The following NCOA1 variants were observed in gnomAD, a reference collection of about 807,000 sequenced individuals.
NCOA1 encodes the protein Hin-2 protein.
NCOA1 carries 35 observed loss-of-function variants against 150.9 expected under a neutral mutation model. The observed-to-expected ratio is 0.23, with a 90% CI of 0.18 to 0.31. The LOEUF (loss-of-function observed/expected upper bound fraction) is 0.31. Ranked by LOEUF, NCOA1 falls within the 10% of genes least tolerant of loss-of-function variation. The pLI is 1.00. For missense variants in NCOA1, 1,491 were observed against 1,749.3 expected (o/e 0.85, Z 2.63); for synonymous variants, 590 against 630.0 (o/e 0.94, Z 0.95).
Position 24,741,998 on chromosome 2 carries a change from A to G in NCOA1, c.3518A>G (p.Tyr1173Cys), listed in dbSNP as rs1311952517. Residue 1173 changes from tyrosine (Y) to cysteine (C), a missense_variant, in exon 19 of 23, where the codon TAT (tyrosine) becomes TGT (cysteine). Around this residue, in one of 8 missense-constraint regions of NCOA1, gnomAD observed 485 missense variants for 522.8 expected, o/e 0.93. Coordinates refer to ENST00000348332, the MANE Select transcript of NCOA1 (RefSeq NM_003743.5). Reference sequence around the variant, plus strand: ...CAGCAATTCCCCTATCCACCAAACTATGGTACAAATCCAGGAACCCCACCT... The same window carrying G: ...CAGCAATTCCCCTATCCACCAAACTGTGGTACAAATCCAGGAACCCCACCT... ...APQQFPYPPNYGTNPGTPPAS... is the reference protein window; with the variant it reads ...APQQFPYPPNCGTNPGTPPAS... 2 of 1,614,170 alleles carry G rather than the reference A, an allele frequency of 1.2e-6. No homozygotes were observed. The highest frequency in any genetic ancestry group is 1.7e-6 in the Non-Finnish European group (2 of 1,180,040).
chr2:24,690,341 A>G lies in NCOA1; in HGVS notation c.533-1140A>G, dbSNP rs56017017. ...GGGTCATTGGAGAGTTTAAGGTAGG[A>G]AAACGTTTGGGAACAGTAAAAAAGC... On this transcript the variant is annotated intron_variant, in intron 8 of 22. Transcript: ENST00000348332. Among the ~76,000 whole-genome samples the G allele has an allele frequency of 2.5e-3, 376 of 152,182 alleles. 2 individuals are homozygous for G. The highest frequency in any genetic ancestry group is 4.3e-3 in the Non-Finnish European group (294 of 67,986).
At chr2:24,664,754 G>T (rs545074106) in intron 5 of NCOA1, among the ~76,000 whole-genome samples, 1 of 151,966 alleles carries the variant, frequency 6.6e-6, no homozygotes, top group Admixed American at 6.6e-5. Context: ...CTTAATTGTT[G>T]CCAATTATGA....
At chr2:24,640,784 C>T (rs937588744) in intron 3 of NCOA1, among the ~76,000 whole-genome samples, 2 of 152,042 alleles carry the variant, frequency 1.3e-5, no homozygotes, top group East Asian at 1.9e-4. Context: ...GTTTGCTGTT[C>T]GTGTAATATA....
At chr2:24,665,488 T>C (rs1671379282) in intron 5 of NCOA1, among the ~76,000 whole-genome samples, 1 of 152,216 alleles carries the variant, frequency 6.6e-6, no homozygotes, top group East Asian at 1.9e-4. Context: ...TTTGAAAATA[T>C]TCAAGATGTA....
chr2:24,528,878 T>A (rs1056837705), intron 1 of NCOA1, among the ~76,000 whole-genome samples: 4 of 152,138 alleles, frequency 2.6e-5, no homozygotes, highest in Non-Finnish European at 4.4e-5. Flanking sequence ...ACAGATATGA[T>A]GAAGAGTTTT....
At position 24,495,255 on chromosome 2, in the gene NCOA1, A is replaced by G. The variant is rs1201856561; in HGVS notation, c.-396+3653A>G. Reference sequence around the variant, plus strand: ...ACGCTGATACCAACATATAAGTCCAATTCCATAAGTTTAAGTAAAGTGAGT... The same window carrying G: ...ACGCTGATACCAACATATAAGTCCAGTTCCATAAGTTTAAGTAAAGTGAGT... On this transcript the variant is annotated intron_variant, in intron 1 of 22. Coordinates refer to ENST00000348332, the MANE Select transcript of NCOA1 (RefSeq NM_003743.5). 2.0e-5 allele frequency among the ~76,000 whole-genome samples: 3 copies of G among 152,272 alleles called. No individual in the cohort carries two copies. The East Asian group carries it at 5.8e-4, about 29-fold the overall frequency.
chr2:24,582,528 A>G (rs1266666363), intron 2 of NCOA1, among the ~76,000 whole-genome samples: 2 of 152,172 alleles, frequency 1.3e-5, no homozygotes, highest in East Asian at 3.8e-4. Context: ...TGACCATACT[A>G]CCCAAAGCAA....
chr2:24,670,171 G>A (rs1671618303), intron 6 of NCOA1, among the ~76,000 whole-genome samples: 1 of 152,116 alleles, frequency 6.6e-6, no homozygotes. Context: ...TAACAAGTGT[G>A]GGTGAGAAAT....
intron 1 of NCOA1, among the ~76,000 whole-genome samples, chr2:24,529,315 A>G (rs1196674449): frequency 6.6e-6 from 1 of 152,198 alleles, no homozygotes; most frequent in East Asian, 1.9e-4. Context: ...ATTAATCAAC[A>G]TTTTCTAGGG....
chr2:24,516,984 G>GTA lies in NCOA1; in HGVS notation c.-396+25391_-396+25392dup, dbSNP rs1363181709. 8.5e-3 allele frequency among the ~76,000 whole-genome samples: 412 copies of GTA among 48,364 alleles called. 7 individuals carry two copies. The highest frequency in any genetic ancestry group is 0.017 in the African/African-American group (378 of 22,882). The allele number at this position is 48,364 out of a possible 152,430, so 31.7% of individuals were successfully genotyped here. On this transcript the variant is annotated intron_variant, in intron 1 of 22. Transcript: ENST00000348332. ...TATATACGTATATATACACATATAC[G>GTA]TATATATATACACACGCGCGCACAC... is the stretch of plus-strand genomic sequence containing the variant.
chr2:24,582,707 T>C (rs1331597339), intron 2 of NCOA1, among the ~76,000 whole-genome samples: 2 of 152,174 alleles, frequency 1.3e-5, no homozygotes, highest in East Asian at 1.9e-4. Context: ...CTTCAAAATA[T>C]ACTGCAAAGC....
chr2:24,523,605 C>CAAAA (rs979559677), intron 1 of NCOA1, among the ~76,000 whole-genome samples: 258 of 17,686 alleles, frequency 0.015, 23 homozygotes, highest in African/African-American at 0.027. Context: ...GACTCCGTCT[C>CAAAA]AAAAAAAAAA....
At chr2:24,605,292 A>G (rs1668315288) in intron 3 of NCOA1, among the ~76,000 whole-genome samples, 3 of 152,252 alleles carry the variant, frequency 2.0e-5, no homozygotes, top group Non-Finnish European at 2.9e-5. Context: ...CAAACCTTCA[A>G]TTTGTAAAAA....
intron 1 of NCOA1, among the ~76,000 whole-genome samples, chr2:24,557,014 G>A (rs373391533): frequency 2.0e-5 from 3 of 150,416 alleles, no homozygotes; most frequent in Admixed American, 6.7e-5. Flanking sequence ...TGTTGGGTTG[G>A]GGGGGGTGGC....
chr2:24,589,039 T>G (rs1667534486), intron 3 of NCOA1, among the ~76,000 whole-genome samples: 1 of 152,216 alleles, frequency 6.6e-6, no homozygotes, highest in Non-Finnish European at 1.5e-5. Flanking sequence ...ATATTTCAGC[T>G]TCTGGATACT....
At chr2:24,506,709 ACT>A (rs1475078192) in intron 1 of NCOA1, among the ~76,000 whole-genome samples, 4 of 152,084 alleles carry the variant, frequency 2.6e-5, no homozygotes, top group African/African-American at 9.7e-5. Flanking sequence ...GCATAGCTTC[ACT>A]CTAGCAAGTA....
chr2:24,730,856 TTTCTACTAAAAG>T (rs1662964561), intron 17 of NCOA1, among the ~76,000 whole-genome samples: 1 of 143,068 alleles, frequency 7.0e-6, no homozygotes, highest in Non-Finnish European at 1.5e-5. Flanking sequence ...TGAAACCCCA[TTTCTACTAAAAG>T]TACAAAAAAA....
At chr2:24,523,605 C>CAAAAAAAAAAAAAAAAAAAAAAAAAA (rs979559677) in intron 1 of NCOA1, among the ~76,000 whole-genome samples, 2 of 17,704 alleles carry the variant, frequency 1.1e-4, no homozygotes, top group Non-Finnish European at 2.5e-4. Flanking sequence ...GACTCCGTCT[C>CAAAAAAAAAAAAAAAAAAAAAAAAAA]AAAAAAAAAA....
intron 6 of NCOA1, among the ~76,000 whole-genome samples, chr2:24,666,599 A>T (rs1442322643): frequency 1.3e-5 from 2 of 151,532 alleles, no homozygotes. Flanking sequence ...TATATGAGGA[A>T]GTTTGTCTCT....
Sources: gnomAD v4.1 joint callset for allele counts (sites outside exome capture counted in the v4.1 genomes callset) on GRCh38, gnomAD v4.1.1 for gene constraint, gnomAD v4.1.1 regional missense constraint, MANE v1.5 for transcripts, NCBI Gene and HGNC (gene_info 2026-07-23, HGNC 2026-07-21) for gene names.